MID1: variants seen among roughly 807,000 people sequenced by gnomAD.
The protein encoded by MID1 is E3 ubiquitin-protein ligase Midline-1.
Under a neutral mutation model 40.4 loss-of-function variants are expected in MID1, and 7 were observed. The ratio of observed to expected loss-of-function variants is 0.17; its 90% CI spans 0.10 to 0.33. The LOEUF (loss-of-function observed/expected upper bound fraction) is 0.33, where lower values mean the gene tolerates loss of function less well. MID1 is among the 10% of genes least tolerant of loss of function. The pLI, the probability that MID1 is intolerant of heterozygous loss-of-function variation, is 1.00. For synonymous variants in MID1, 229 were observed against 221.2 expected, an observed-to-expected ratio of 1.04 and a Z score of -0.31; for missense variants, 367 against 558.5, an observed-to-expected ratio of 0.66 and a Z score of 3.46.
At chrX:10,574,098 A>C (rs1249365282) in intron 1 of MID1, among the ~76,000 whole-genome samples, 1 of 111,717 alleles carries the variant, frequency 9.0e-6, no homozygotes, top group African/African-American at 3.3e-5. Context: ...TATAGAGCAA[A>C]GGGGACTGAC....
intron 8 of MID1, among the ~76,000 whole-genome samples, chrX:10,455,718 AT>A (rs1928619693): frequency 8.9e-6 from 1 of 112,092 alleles, no homozygotes; most frequent in Non-Finnish European, 1.9e-5. Flanking sequence ...AAATTAAAGC[AT>A]TACTCTTAGG....
chrX:10,529,533 C>A lies in MID1; in HGVS notation c.661-6346G>T, dbSNP rs1205423001. ...ATTTGTTGTCATCTCGTCCATGAAG[C>A]CCTTCTCATCTGTTAGTTTGAATGG... On this transcript the variant is annotated intron_variant, in intron 2 of 9. Transcript: ENST00000317552. 5.4e-5 allele frequency among the ~76,000 whole-genome samples: 6 copies of A among 111,839 alleles called. No individual in the cohort carries two copies. The East Asian group carries it at 1.4e-3, about 26-fold the overall frequency.
chrX:10,673,805 A>C (rs2043004786), intron 1 of MID1, among the ~76,000 whole-genome samples: 1 of 111,518 alleles, frequency 9.0e-6, no homozygotes, highest in Admixed American at 9.6e-5. Context: ...CTGGTCCTTC[A>C]TTCCATCATC....
intron 1 of MID1, among the ~76,000 whole-genome samples, chrX:10,613,732 T>TATATATATATATATAG (rs1482081086): frequency 2.3e-4 from 4 of 17,480 alleles, no homozygotes; most frequent in Admixed American, 8.9e-4. Flanking sequence ...TATATATATA[T>TATATATATATATATAG]AGAGAGAGAG....
intron 1 of MID1, among the ~76,000 whole-genome samples, chrX:10,790,339 G>T (rs1278063640): frequency 9.2e-6 from 1 of 108,936 alleles, no homozygotes; most frequent in East Asian, 2.9e-4. Flanking sequence ...TGTAGAGATG[G>T]GGTCTCACTA....
At chrX:10,554,591 A>C (rs1325407665) in intron 2 of MID1, among the ~76,000 whole-genome samples, 1 of 112,227 alleles carries the variant, frequency 8.9e-6, no homozygotes, top group Non-Finnish European at 1.9e-5. Flanking sequence ...CAGGGTATTT[A>C]GAATGAAAGA....
chrX:10,808,563 A>G (rs192073193), intron 1 of MID1, among the ~76,000 whole-genome samples: 8 of 109,659 alleles, frequency 7.3e-5, no homozygotes, highest in East Asian at 2.9e-4. Flanking sequence ...ACACCTCCCT[A>G]TGGTACACCT....
At chrX:10,817,704 C>G (rs1163251851) in intron 1 of MID1, among the ~76,000 whole-genome samples, 3 of 103,798 alleles carry the variant, frequency 2.9e-5, no homozygotes, top group Non-Finnish European at 5.9e-5. Flanking sequence ...ACTGCTACCT[C>G]TGCCTCCTGG....
chrX:10,769,322 T>C (rs1454993970), intron 1 of MID1, among the ~76,000 whole-genome samples: 1 of 109,935 alleles, frequency 9.1e-6, no homozygotes, highest in African/African-American at 3.3e-5. Context: ...AAAAGCCCAG[T>C]AGGCTCTCTA....
chrX:10,544,372 C>T (rs892352487), intron 2 of MID1, among the ~76,000 whole-genome samples: 4 of 111,486 alleles, frequency 3.6e-5, no homozygotes, highest in African/African-American at 1.3e-4. Context: ...CTAAGTGATA[C>T]TGGTTAGAAC....
At chrX:10,569,083 C>T (rs1379588711) in intron 1 of MID1, among the ~76,000 whole-genome samples, 2 of 111,956 alleles carry the variant, frequency 1.8e-5, no homozygotes. Flanking sequence ...TTCACACCTC[C>T]GCTTATTTAC....
At chrX:10,630,557 T>G (rs1936042540) in intron 1 of MID1, among the ~76,000 whole-genome samples, 1 of 108,229 alleles carries the variant, frequency 9.2e-6, no homozygotes, top group African/African-American at 3.4e-5. Flanking sequence ...GCAGTGGTTG[T>G]GGGTGGGTGT....
chrX:10,643,228 A>C (rs2147567786), intron 1 of MID1, among the ~76,000 whole-genome samples: 1 of 111,306 alleles, frequency 9.0e-6, no homozygotes, highest in African/African-American at 3.3e-5. Context: ...TGAACAGGCA[A>C]CCTACAGAAT....
intron 2 of MID1, 128 bp downstream of exon 2, chrX:10,566,760 T>C: frequency 2.7e-6 from 2 of 743,297 alleles, no homozygotes; most frequent in Non-Finnish European, 2.0e-6. Flanking sequence ...AAAAACATGC[T>C]AAAACTAATC....
At chrX:10,575,199 T>C (rs1444834470) in intron 1 of MID1, among the ~76,000 whole-genome samples, 1 of 112,229 alleles carries the variant, frequency 8.9e-6, no homozygotes, top group African/African-American at 3.2e-5. Flanking sequence ...TAGTTGACTA[T>C]TGCTGTTTGG....
Position 10,763,091 on chromosome X carries a change from C to G in MID1, c.-187+70463G>C, listed in dbSNP as rs773327922. Among the ~76,000 whole-genome samples, 14 of 109,723 alleles carry G rather than the reference C, an allele frequency of 1.3e-4. No individual in the cohort carries two copies. In the South Asian group the frequency reaches 3.5e-3, roughly 27 times the overall value. The stretch of plus-strand genomic sequence containing the variant: ...CAAATATGCAACTCTTCCATTGTAA[C>G]ATGCAAGCAACCATAGACAATATGT... On this transcript the variant is annotated intron_variant, in intron 1 of 10. Coordinates refer to the MID1 transcript ENST00000380785.
chrX:10,812,003 C>T (rs1463661618), intron 1 of MID1, among the ~76,000 whole-genome samples: 1 of 111,230 alleles, frequency 9.0e-6, no homozygotes, highest in African/African-American at 3.3e-5. Flanking sequence ...AGTTGGCAAC[C>T]CATATTAACT....
At chrX:10,704,735 T>TACACACACACACACAC (rs1449236211) in intron 1 of MID1, among the ~76,000 whole-genome samples, 1 of 84,904 alleles carries the variant, frequency 1.2e-5, no homozygotes, top group African/African-American at 5.6e-5. Flanking sequence ...TATATATATA[T>TACACACACACACACAC]ATATACACAC....
At chrX:10,731,966 C>CAAAAAAAAAAAAAAAAA (rs754605735) in intron 1 of MID1, among the ~76,000 whole-genome samples, 2 of 26,650 alleles carry the variant, frequency 7.5e-5, no homozygotes, top group African/African-American at 1.9e-4. Flanking sequence ...GAATCTATCA[C>CAAAAAAAAAAAAAAAAA]AAAAAAAAAA....
Sources: gnomAD v4.1 joint callset for allele counts (sites outside exome capture counted in the v4.1 genomes callset) on GRCh38, gnomAD v4.1.1 for gene constraint, MANE v1.5 for transcripts, NCBI Gene and HGNC (gene_info 2026-07-23, HGNC 2026-07-21) for gene names.